Variants in PTPRA observed in about 807,000 individuals in gnomAD.
PTPRA encodes protein tyrosine phosphatase receptor type A, also known as receptor-type tyrosine-protein phosphatase alpha.
Under a neutral mutation model 104.8 loss-of-function variants are expected in PTPRA, and 25 were observed. The ratio of observed to expected loss-of-function variants is 0.24; its 90% CI spans 0.17 to 0.33. The LOEUF is 0.33. Among genes scored for constraint, PTPRA ranks in the 10% least tolerant of loss-of-function variants. The pLI is 1.00. For missense variants in PTPRA, 765 were observed against 1,015.3 expected, an observed-to-expected ratio of 0.75 and a Z score of 3.35; for synonymous variants, 323 against 368.9, an observed-to-expected ratio of 0.88 and a Z score of 1.43.
chr20:3,010,140 G>A lies in PTPRA; in HGVS notation c.906+2720G>A, dbSNP rs191559857. ...GCTGGGATTACAGGCGTGAGCCACC[G>A]TGCCCAGCTGGAACATTTATTTGTC... On this transcript the variant is annotated intron_variant, in intron 11 of 23. Coordinates refer to ENST00000399903, the MANE Select transcript of PTPRA (RefSeq NM_001385305.1). Among the ~76,000 whole-genome samples, 16 of 151,852 alleles carry A rather than the reference G, an allele frequency of 1.1e-4. No individual in the cohort carries two copies. In the East Asian group the frequency reaches 2.0e-3, roughly 19 times the overall value.
chr20:2,923,915 A>G (rs1349970984), intron 2 of PTPRA, among the ~76,000 whole-genome samples: 1 of 152,228 alleles, frequency 6.6e-6, no homozygotes, highest in African/African-American at 2.4e-5. Flanking sequence ...AACCAACTCT[A>G]TAGTTTTAGA....
At chr20:2,887,085 G>A (rs549670530) in intron 1 of PTPRA, among the ~76,000 whole-genome samples, 125 of 151,882 alleles carry the variant, frequency 8.2e-4, no homozygotes, top group South Asian at 6.7e-3. Context: ...ATTAAAACTT[G>A]GAATCAGGCT....
At chr20:2,920,781 G>A (rs1452576602) in intron 1 of PTPRA, among the ~76,000 whole-genome samples, 5 of 151,898 alleles carry the variant, frequency 3.3e-5, no homozygotes, top group South Asian at 2.1e-4. Flanking sequence ...GGGAGGAAAG[G>A]GGGGAAAGTG....
chr20:3,016,829 G>T (rs908519742), intron 12 of PTPRA, among the ~76,000 whole-genome samples: 1 of 152,238 alleles, frequency 6.6e-6, no homozygotes, highest in Admixed American at 6.5e-5. Flanking sequence ...TGCCCCTGGG[G>T]CAACCATTTT....
At chr20:2,981,469 A>G (rs957317247) in intron 6 of PTPRA, among the ~76,000 whole-genome samples, 3 of 152,216 alleles carry the variant, frequency 2.0e-5, no homozygotes, top group Non-Finnish European at 2.9e-5. Context: ...GACATCTAAT[A>G]ATTAGAGGCT....
intron 1 of PTPRA, among the ~76,000 whole-genome samples, chr20:2,884,724 C>T (rs775337137): frequency 1.1e-4 from 17 of 151,760 alleles, no homozygotes; most frequent in Non-Finnish European, 2.1e-4. Flanking sequence ...GTGTGTTCAG[C>T]TGTTTGCGTG....
chr20:2,877,554 C>T (rs957151339), intron 1 of PTPRA, among the ~76,000 whole-genome samples: 3 of 152,056 alleles, frequency 2.0e-5, no homozygotes, highest in Admixed American at 6.5e-5. Flanking sequence ...CCACCGTGCC[C>T]GGTGAAGAAA....
chr20:2,948,768 A>G (rs6037434), intron 3 of PTPRA, among the ~76,000 whole-genome samples: 52,350 of 151,698 alleles, frequency 0.35, 10,140 homozygotes, highest in Middle Eastern at 0.47. Flanking sequence ...TGGCTAACAC[A>G]GTGAAACCCT....
At chr20:2,918,357 T>C (rs2059984530) in intron 1 of PTPRA, among the ~76,000 whole-genome samples, 1 of 152,168 alleles carries the variant, frequency 6.6e-6, no homozygotes, top group South Asian at 2.1e-4. Context: ...TGACAGCTCC[T>C]CTTTACAAAA....
At position 3,005,138 on chromosome 20, in the gene PTPRA, T is replaced by C. The variant is rs1198779664; in HGVS notation, c.821T>C (p.Ile274Thr). 1 of 1,595,078 alleles carries C rather than the reference T, an allele frequency of 6.3e-7. No homozygotes were observed. Among genetic ancestry groups the C allele is most frequent in the Admixed American group, 1.7e-5 (1 of 60,000 alleles). ...ENKEKNRYVNILPYDHSRVHL... is the reference protein window; with the variant it reads ...ENKEKNRYVNTLPYDHSRVHL... ...AAGGAAAAAAATCGATATGTAAACA[T>C]CTTGCCTTGTGAGTGTCTTTAGTGT... The change falls in exon 10 of 24, where the codon ATC becomes ACC. Residue 274 changes from isoleucine (I) to threonine (T), a missense_variant. By Grantham distance (89) the Ile-to-Thr change is moderately conservative. Coordinates refer to ENST00000399903, the MANE Select transcript of PTPRA (RefSeq NM_001385305.1).
intron 1 of PTPRA, among the ~76,000 whole-genome samples, chr20:2,890,711 A>G (rs967609561): frequency 1.3e-5 from 2 of 152,114 alleles, no homozygotes; most frequent in Non-Finnish European, 2.9e-5. Flanking sequence ...TATTCCCTGA[A>G]CTATCTTTCC....
chr20:3,036,515 C>T (rs914149969), intron 22 of PTPRA, among the ~76,000 whole-genome samples: 1 of 152,218 alleles, frequency 6.6e-6, no homozygotes, highest in Non-Finnish European at 1.5e-5. Flanking sequence ...ATGCCAGTTT[C>T]CCAGGCAGCC....
intron 9 of PTPRA, among the ~76,000 whole-genome samples, chr20:3,001,659 T>C (rs1169790952): frequency 6.6e-6 from 1 of 152,206 alleles, no homozygotes; most frequent in Non-Finnish European, 1.5e-5. Flanking sequence ...TCTAAAATAA[T>C]GGTCTCTACT....
intron 11 of PTPRA, among the ~76,000 whole-genome samples, chr20:3,008,535 C>T (rs1006733296): frequency 1.3e-5 from 2 of 151,772 alleles, no homozygotes; most frequent in African/African-American, 2.4e-5. Context: ...GTTCTGTAGA[C>T]GGATGGTGGT....
Position 3,022,364 on chromosome 20 carries a change from C to A in PTPRA, c.1328+144C>A. On this transcript the variant is annotated intron_variant, in intron 15 of 23. Coordinates refer to ENST00000399903, the MANE Select transcript of PTPRA (RefSeq NM_001385305.1). This position sits in a 1 kb window ranked among gnomAD's most constrained non-coding sequence, Gnocchi z 4.6. ...GCACCAGCGCAACAGCCAGAGACTC[C>A]AAGTTCTAGTGCAGGGTGGAGAATA... The A allele has an allele frequency of 9.0e-7, 1 of 1,105,780 alleles. No individual in the cohort carries two copies. Among genetic ancestry groups the A allele is most frequent in the Non-Finnish European group, 1.3e-6 (1 of 774,166 alleles). The allele number at this position is 1,105,780 out of a possible 1,614,324, so 68.5% of individuals were successfully genotyped here. A position where few individuals can be genotyped will look rare whatever the true frequency, so the allele number is the denominator to read the frequency against.
rs539720183 is a variant in PTPRA at position 2,948,686 on chromosome 20, T to C, written c.-7+662T>C. 7.9e-5 allele frequency among the ~76,000 whole-genome samples: 12 copies of C among 152,278 alleles called. No homozygotes were observed. In the East Asian group the frequency reaches 2.3e-3, roughly 29 times the overall value. On this transcript the variant is annotated intron_variant, in intron 3 of 23. Coordinates refer to ENST00000399903, the MANE Select transcript of PTPRA (RefSeq NM_001385305.1). The stretch of plus-strand genomic sequence containing the variant: ...TTAAAAAACCACCAGGCACGGTGGC[T>C]CACGCCTGGAATCCCAGCACTTTGG...
In PTPRA at chr20:3,038,161, G is replaced by A. The variant is rs545781776; in HGVS notation, c.*28G>A. 4.5e-6 allele frequency: 7 copies of A among 1,565,712 alleles called. No homozygotes were observed. In the East Asian group the frequency reaches 9.0e-5, roughly 20 times the overall value. ...GGCAACAAGGGTCCGTGGACCAGGA[G>A]GATTGCCTTTAATATTTTGTAATAT... On this transcript the variant is annotated 3_prime_UTR_variant, in exon 24 of 24. Coordinates refer to ENST00000399903, the MANE Select transcript of PTPRA (RefSeq NM_001385305.1).
chr20:2,882,034 C>A (rs1005135447), intron 1 of PTPRA, among the ~76,000 whole-genome samples: 2 of 152,022 alleles, frequency 1.3e-5, no homozygotes, highest in Non-Finnish European at 2.9e-5. Context: ...AAACACATAC[C>A]CTTGGCAGAT....
intron 1 of PTPRA, among the ~76,000 whole-genome samples, chr20:2,922,771 A>T (rs990678437): frequency 6.6e-6 from 1 of 151,810 alleles, no homozygotes; most frequent in Non-Finnish European, 1.5e-5. Context: ...AACAGCTGAG[A>T]TTAGAGATGC....
Sources: allele counts gnomAD v4.1 joint callset (sites outside exome capture counted in the v4.1 genomes callset), GRCh38; gene constraint gnomAD v4.1.1; non-coding constraint Gnocchi (gnomAD v3.1); transcripts MANE v1.5; gene names NCBI Gene and HGNC (gene_info 2026-07-23, HGNC 2026-07-21).